Variants in STK32C observed in about 807,000 individuals in gnomAD.
The protein encoded by STK32C is serine/threonine-protein kinase 32C.
STK32C carries 31 observed loss-of-function variants against 56.5 expected under a neutral mutation model. The ratio of observed to expected loss-of-function variants is 0.55; its 90% CI spans 0.41 to 0.74. The LOEUF (loss-of-function observed/expected upper bound fraction) is 0.74. Ranked by LOEUF, STK32C falls within the 30% of genes least tolerant of loss-of-function variation. The probability of loss-of-function intolerance (pLI) is 0.00; values close to 1 mark genes in which losing one functional copy is unlikely to be tolerated. For synonymous variants in STK32C, 309 were observed against 289.4 expected, an observed-to-expected ratio of 1.07 and a Z score of -0.69; for missense variants, 544 against 676.9, an observed-to-expected ratio of 0.80 and a Z score of 2.18.
chr10:132,307,767 G>A lies in STK32C; in HGVS notation c.67C>T (p.Arg23Cys). The A allele has an allele frequency of 8.0e-6, 8 of 999,324 alleles. No individual in the cohort carries two copies. The highest frequency in any genetic ancestry group is 8.3e-6 in the Non-Finnish European group (7 of 840,864). 61.9% of individuals were successfully genotyped at this position (999,324 alleles called of 1,614,324 possible). A position where few individuals can be genotyped will look rare whatever the true frequency, so the allele number is the denominator to read the frequency against. The change falls in exon 1 of 12, where the codon CGC becomes TGC. Residue 23 changes from arginine to cysteine, a missense_variant. Physicochemically the swap from Arg to Cys is radical, Grantham distance 180. Coordinates refer to ENST00000298630, the MANE Select transcript of STK32C (RefSeq NM_173575.4). This position sits in a 1 kb window ranked among gnomAD's most constrained non-coding sequence, Gnocchi z 4.4. ...GCGTCGGAGCCGGCGGGGCGCGCGC[G>A]GCCGGGGGGCGGCGAGCCCGGGGAC... The part of the protein sequence containing the change: ...AASPGSPPPG[R>C]ARPAGSDAPS...
intron 1 of STK32C, among the ~76,000 whole-genome samples, chr10:132,282,447 A>ACCCACCTGTGCCTGTG (rs1564774913): frequency 1.3e-3 from 179 of 137,830 alleles, no homozygotes; most frequent in Non-Finnish European, 2.6e-3. Context: ...CTGTACCTGC[A>ACCCACCTGTGCCTGTG]CCCACCTGTG....
intron 1 of STK32C, among the ~76,000 whole-genome samples, chr10:132,287,476 A>G (rs1031658202): frequency 6.8e-6 from 1 of 147,908 alleles, no homozygotes; most frequent in Admixed American, 6.7e-5. Flanking sequence ...TGGGCGACAG[A>G]GCGAGACTCA....
intron 10 of STK32C, among the ~76,000 whole-genome samples, chr10:132,219,303 G>C (rs200409428): frequency 6.6e-6 from 1 of 151,870 alleles, no homozygotes; most frequent in South Asian, 2.1e-4. Context: ...TTTCCTTTCA[G>C]AACACCTCCT....
chr10:132,303,900 G>T (rs897006564), intron 1 of STK32C, among the ~76,000 whole-genome samples: 1 of 152,164 alleles, frequency 6.6e-6, no homozygotes, highest in Non-Finnish European at 1.5e-5. Context: ...TCCCCTGCAG[G>T]TGCCTCCCGC....
At chr10:132,213,806 A>G (rs2062387768) in intron 10 of STK32C, among the ~76,000 whole-genome samples, 1 of 152,228 alleles carries the variant, frequency 6.6e-6, no homozygotes, top group African/African-American at 2.4e-5. Flanking sequence ...ATGTAAGTAG[A>G]GAGATGGAAA....
intron 1 of STK32C, among the ~76,000 whole-genome samples, chr10:132,259,227 T>C (rs2064226579): frequency 6.6e-6 from 1 of 152,232 alleles, no homozygotes; most frequent in Admixed American, 6.5e-5. Context: ...AGGACCCTCC[T>C]TCCATCCAGG....
chr10:132,300,820 G>A (rs2065891188), intron 1 of STK32C, among the ~76,000 whole-genome samples: 2 of 152,328 alleles, frequency 1.3e-5, no homozygotes, highest in East Asian at 1.9e-4. Flanking sequence ...TCAGGAGGGT[G>A]GCTGAGAAGA....
At chr10:132,213,370 T>C (rs1016404429) in intron 10 of STK32C, among the ~76,000 whole-genome samples, 3 of 152,112 alleles carry the variant, frequency 2.0e-5, no homozygotes, top group African/African-American at 4.8e-5. Context: ...GCCTCCGCAG[T>C]GTGACAGGGA....
chr10:132,331,336 G>A, intron 1 of STK32C: 4 of 1,189,926 alleles, frequency 3.4e-6, no homozygotes, highest in Non-Finnish European at 4.7e-6. Flanking sequence ...AAGGTGCACG[G>A]GACTCCAGGG....
chr10:132,284,617 C>T (rs1277541581), intron 1 of STK32C, among the ~76,000 whole-genome samples: 4 of 152,106 alleles, frequency 2.6e-5, no homozygotes, highest in Non-Finnish European at 5.9e-5. Flanking sequence ...TGCCCAAAGA[C>T]CAGGCATGAA....
At chr10:132,248,085 C>T (rs1368214062) in intron 1 of STK32C, among the ~76,000 whole-genome samples, 1 of 6,208 alleles carries the variant, frequency 1.6e-4, no homozygotes. Context: ...TATGCACGCC[C>T]AGAGATTATG....
chr10:132,231,004 G>A (rs1490385767), intron 2 of STK32C, among the ~76,000 whole-genome samples: 2 of 152,106 alleles, frequency 1.3e-5, no homozygotes, highest in African/African-American at 4.8e-5. Context: ...GACACAGACC[G>A]GGTGTCTACT....
At chr10:132,249,872 GC>G (rs1282732845) in intron 1 of STK32C, among the ~76,000 whole-genome samples, 4 of 152,230 alleles carry the variant, frequency 2.6e-5, no homozygotes, top group Non-Finnish European at 5.9e-5. Flanking sequence ...CACCGGCCCT[GC>G]CCCACGCAAG....
chr10:132,235,563 C>A (rs1163579216), intron 2 of STK32C, among the ~76,000 whole-genome samples: 4 of 139,478 alleles, frequency 2.9e-5, no homozygotes, highest in Non-Finnish European at 6.2e-5. Context: ...ATCTTTTTTA[C>A]AAGGGATATT....
intron 1 of STK32C, among the ~76,000 whole-genome samples, chr10:132,288,348 T>C (rs1439754352): frequency 6.6e-6 from 1 of 152,232 alleles, no homozygotes; most frequent in African/African-American, 2.4e-5. Context: ...AAATTGATGA[T>C]ATACTGAACT....
rs1388655035 is a variant in STK32C, at chr10:132,307,461, C to T, written c.262+111G>A. On this transcript the variant is annotated intron_variant, in intron 1 of 11. Transcript: ENST00000298630. The surrounding 1 kb of genome is among the most constrained non-coding windows in gnomAD (Gnocchi z 4.4). The stretch of plus-strand genomic sequence containing the variant: ...GAGCTTCTCCGGAAGCCGGGGCGCC[C>T]CGGGAAGCCGTCCCGGACACCGGGG... 2 of 1,249,582 alleles carry T rather than the reference C, an allele frequency of 1.6e-6. No homozygotes were observed. The highest frequency in any genetic ancestry group is 4.1e-5 in the Admixed American group (1 of 24,504). The allele number at this position is 1,249,582 out of a possible 1,614,324, so 77.4% of individuals were successfully genotyped here.
chr10:132,223,033 G>A (rs886749821), intron 8 of STK32C, 47 bp from the exon 9 acceptor site: 2 of 1,528,348 alleles, frequency 1.3e-6, no homozygotes, highest in Admixed American at 2.0e-5. Flanking sequence ...CAGCCCACCA[G>A]CACGGAATAG....
At chr10:132,312,284 C>T (rs1014007554), upstream of STK32C, among the ~76,000 whole-genome samples, 16 of 152,156 alleles carry the variant, frequency 1.1e-4, no homozygotes, top group African/African-American at 3.4e-4. Context: ...GCTGGGATTA[C>T]AGGTATGAGC....
intron 1 of STK32C, among the ~76,000 whole-genome samples, chr10:132,269,916 C>T (rs2064761623): frequency 1.3e-5 from 2 of 152,258 alleles, no homozygotes; most frequent in African/African-American, 4.8e-5. Context: ...CTCCCAGCCA[C>T]GTGGGCCCCG....
Sources: gnomAD v4.1 joint callset for allele counts (sites outside exome capture counted in the v4.1 genomes callset) on GRCh38, gnomAD v4.1.1 for gene constraint, Gnocchi (gnomAD v3.1) non-coding constraint, MANE v1.5 for transcripts, NCBI Gene and HGNC (gene_info 2026-07-23, HGNC 2026-07-21) for gene names.